Variants in FAM171A1 observed in about 807,000 individuals in gnomAD.
FAM171A1 encodes the protein family with sequence similarity 171 member A1.
A neutral mutation model predicts 74.9 loss-of-function variants in FAM171A1; 23 were observed. That is an observed-to-expected ratio of 0.31 (90% CI 0.22 to 0.44). The LOEUF is 0.44. Among genes scored for constraint, FAM171A1 ranks in the 20% least tolerant of loss-of-function variants. The pLI is 1.00. For missense variants in FAM171A1, 1,162 were observed against 1,159.2 expected (o/e 1.00, Z -0.03); for synonymous variants, 527 against 505.7 (o/e 1.04, Z -0.57).
chr10:15,224,118 G>A (rs1390840772), intron 5 of FAM171A1, among the ~76,000 whole-genome samples: 2 of 152,164 alleles, frequency 1.3e-5, no homozygotes, highest in Non-Finnish European at 2.9e-5. Context: ...CACCCACCTG[G>A]GGTGGGTGTA....
intron 3 of FAM171A1, among the ~76,000 whole-genome samples, chr10:15,270,580 C>T (rs2089458613): frequency 6.6e-6 from 1 of 152,156 alleles, no homozygotes; most frequent in South Asian, 2.1e-4. Context: ...ACTGCCCTCT[C>T]AAGTAGGTCC....
intron 1 of FAM171A1, among the ~76,000 whole-genome samples, chr10:15,344,769 T>C (rs61842703): frequency 0.035 from 5,315 of 152,366 alleles, 155 homozygotes; most frequent in Non-Finnish European, 0.049. Flanking sequence ...TTTCAGACTT[T>C]GTTACTTTGT....
At chr10:15,373,607 T>C (rs1836173541), upstream of FAM171A1, among the ~76,000 whole-genome samples, 1 of 152,200 alleles carries the variant, frequency 6.6e-6, no homozygotes, top group African/African-American at 2.4e-5. Context: ...TTTCCTGGCA[T>C]TGACAGTGTA....
chr10:15,363,335 G>A (rs1836019059), intron 1 of FAM171A1, among the ~76,000 whole-genome samples: 1 of 152,202 alleles, frequency 6.6e-6, no homozygotes, highest in Non-Finnish European at 1.5e-5. Context: ...GTTTTGAGTT[G>A]AAAGGACAAA....
intron 1 of FAM171A1, among the ~76,000 whole-genome samples, chr10:15,346,925 G>A (rs1416015983): frequency 6.6e-6 from 1 of 152,174 alleles, no homozygotes; most frequent in Non-Finnish European, 1.5e-5. Context: ...TTCTACAGAG[G>A]GACAAAAGAC....
Position 15,212,729 on chromosome 10 carries a change from C to T in FAM171A1, c.*186G>A, listed in dbSNP as rs531673635. The T allele has an allele frequency of 4.5e-4, 386 of 858,566 alleles. 1 individual carries two copies. In the African/African-American group the frequency reaches 5.7e-3, roughly 13 times the overall value. 53.2% of individuals were successfully genotyped at this position (858,566 alleles called of 1,614,324 possible). On this transcript the variant is annotated 3_prime_UTR_variant, in exon 8 of 8. Transcript: ENST00000378116. ...CAGGGGCGACATCCGCCAAAGTCAT[C>T]CTTTATTCCGAGTAATAACTTTAAT...
intron 5 of FAM171A1, among the ~76,000 whole-genome samples, chr10:15,224,560 C>T (rs1438913560): frequency 1.3e-5 from 2 of 152,040 alleles, no homozygotes; most frequent in African/African-American, 4.8e-5. Flanking sequence ...GTGGGAGGCA[C>T]CTGGTGGGAG....
chr10:15,262,512 G>A (rs1450428999), intron 3 of FAM171A1, among the ~76,000 whole-genome samples: 1 of 152,154 alleles, frequency 6.6e-6, no homozygotes, highest in Non-Finnish European at 1.5e-5. Context: ...GAAGCTGCGG[G>A]GAAGTTAGGA....
intron 6 of FAM171A1, among the ~76,000 whole-genome samples, chr10:15,218,896 T>C (rs1262818663): frequency 1.3e-5 from 2 of 152,232 alleles, no homozygotes; most frequent in East Asian, 3.9e-4. Flanking sequence ...TGCCCTGGCC[T>C]GTGTATGCTT....
chr10:15,360,687 A>C (rs1835983158), intron 1 of FAM171A1, among the ~76,000 whole-genome samples: 1 of 152,258 alleles, frequency 6.6e-6, no homozygotes, highest in Non-Finnish European at 1.5e-5. Context: ...ATACAATGCC[A>C]GGAGACCTGA....
intron 2 of FAM171A1, among the ~76,000 whole-genome samples, chr10:15,276,482 A>G (rs1440094262): frequency 6.6e-6 from 1 of 152,142 alleles, no homozygotes; most frequent in Non-Finnish European, 1.5e-5. Context: ...CCCAGCCAGA[A>G]GTTTTCAGTA....
rs1836069351 is a variant in FAM171A1, at chr10:15,366,893, AGAATT to A, written c.97+4058_97+4062del. 2.0e-5 allele frequency among the ~76,000 whole-genome samples: 3 copies of A among 152,214 alleles called. No homozygotes were observed. The South Asian group carries it at 6.2e-4, about 31-fold the overall frequency. On this transcript the variant is annotated intron_variant, in intron 1 of 7. Transcript: ENST00000378116. The stretch of plus-strand genomic sequence containing the variant: ...GATGTCAGTAATTTGGTTAAAATAA[AGAATT>A]GATTAAAACTGAGAAAGTGGCTGGG...
rs536028177 is a variant in FAM171A1 at position 15,254,828 on chromosome 10, G to C, written c.470C>G (p.Pro157Arg). 3 of 1,614,172 alleles carry C rather than the reference G, an allele frequency of 1.9e-6. No homozygotes were observed. The highest frequency in any genetic ancestry group is 2.2e-5 in the South Asian group (2 of 91,078). ...CAGGTCACTGTAGCTGGTGTTCTCA[G>C]GCAACCTCAGAGCCCTTCTCTGGAA... ...VHFQRRALRL[P>R]ENTSYSDLTA... The change falls in exon 4 of 8, where the codon CCT becomes CGT. Residue 157 changes from proline (P) to arginine (R), a missense_variant. Transcript: ENST00000378116.
intron 5 of FAM171A1, among the ~76,000 whole-genome samples, chr10:15,240,582 C>T (rs377155887): frequency 1.2e-4 from 19 of 152,200 alleles, no homozygotes; most frequent in African/African-American, 3.4e-4. Flanking sequence ...TAAAAGACAA[C>T]TGTGAAAAAC....
At chr10:15,287,425 G>T in intron 1 of FAM171A1, among the ~76,000 whole-genome samples, 1 of 122,792 alleles carries the variant, frequency 8.1e-6, no homozygotes, top group Non-Finnish European at 1.7e-5. Context: ...GTTTCGCTCT[G>T]TCCCCAGGCT....
chr10:15,334,639 G>C (rs757404316), intron 1 of FAM171A1, among the ~76,000 whole-genome samples: 2 of 152,152 alleles, frequency 1.3e-5, no homozygotes, highest in Non-Finnish European at 1.5e-5. Context: ...AAACACATCT[G>C]AGGGACCCTG....
At chr10:15,234,990 G>A (rs1313762322) in intron 5 of FAM171A1, among the ~76,000 whole-genome samples, 4 of 151,904 alleles carry the variant, frequency 2.6e-5, no homozygotes, top group Non-Finnish European at 5.9e-5. Context: ...TTTTCCAACT[G>A]CCAGGCAGAA....
intron 5 of FAM171A1, among the ~76,000 whole-genome samples, chr10:15,232,712 T>C (rs1277099193): frequency 1.3e-5 from 2 of 152,236 alleles, no homozygotes; most frequent in African/African-American, 2.4e-5. Context: ...CCCATCATTC[T>C]ATTCAGCCAC....
At position 15,371,047 on chromosome 10, in the gene FAM171A1, G is replaced by C; in HGVS notation, c.6C>G (p.Ser2Arg). The change falls in exon 1 of 8, where the codon AGC (serine) becomes AGG (arginine). Residue 2 changes from serine to arginine, a missense_variant. Physicochemically the swap from Ser to Arg is moderately radical, Grantham distance 110 (BLOSUM62 -1). Transcript: ENST00000378116. ...GGCACAGCAGCAGCGTCGCGGACCT[G>C]CTCATCTCCGCCGCGGGGCCGGCGG... M[S>R]RSATLLLCLL... 1 of 1,112,208 alleles carries C rather than the reference G, an allele frequency of 9.0e-7. No individual in the cohort carries two copies. Among genetic ancestry groups the C allele is most frequent in the African/African-American group, 1.7e-5 (1 of 59,450 alleles). 68.9% of individuals were successfully genotyped at this position (1,112,208 alleles called of 1,614,324 possible).
Sources: allele counts gnomAD v4.1 joint callset (sites outside exome capture counted in the v4.1 genomes callset), GRCh38; gene constraint gnomAD v4.1.1; transcripts MANE v1.5; gene names NCBI Gene and HGNC (gene_info 2026-07-23, HGNC 2026-07-21).